Variants in ZNF236 observed in about 807,000 individuals in gnomAD.
ZNF236 encodes regulated by glucose.
A neutral mutation model predicts 191.2 loss-of-function variants in ZNF236; 50 were observed. The observed-to-expected ratio is 0.26, with a 90% CI of 0.21 to 0.33. ZNF236 has a LOEUF of 0.33. ZNF236 is among the 10% of genes least tolerant of loss of function. ZNF236 has a pLI of 1.00. For missense variants in ZNF236, 1,754 were observed against 2,374.5 expected (o/e 0.74, Z 5.43); for synonymous variants, 907 against 928.8 (o/e 0.98, Z 0.43).
intron 9 of ZNF236, among the ~76,000 whole-genome samples, 159 bp from the exon 10 acceptor site, chr18:76,894,854 A>G (rs1248422167): frequency 6.6e-6 from 1 of 152,172 alleles, no homozygotes; most frequent in African/African-American, 2.4e-5. Flanking sequence ...TTTCAGCGAG[A>G]TTAACTCCTA....
chr18:76,914,910 G>A (rs1027132838), intron 18 of ZNF236, among the ~76,000 whole-genome samples: 1 of 152,080 alleles, frequency 6.6e-6, no homozygotes, highest in Admixed American at 6.6e-5. Flanking sequence ...AAGATATACT[G>A]CTTAGAAACA....
intron 20 of ZNF236, 76 bp from the exon 21 acceptor site, chr18:76,922,995 T>C (rs535582493): frequency 8.6e-7 from 1 of 1,159,214 alleles, no homozygotes; most frequent in Admixed American, 2.0e-5. Context: ...AACACCTAAT[T>C]TTAATTTATA....
At chr18:76,942,604 C>T (rs996499290) in intron 26 of ZNF236, among the ~76,000 whole-genome samples, 19 of 151,680 alleles carry the variant, frequency 1.3e-4, no homozygotes, top group South Asian at 6.2e-4. Context: ...CTCCGCTTCC[C>T]GGGTTCACAG....
intron 11 of ZNF236, 120 bp downstream of exon 11, chr18:76,899,342 A>G (rs1273296548): frequency 5.8e-6 from 5 of 863,396 alleles, no homozygotes; most frequent in Non-Finnish European, 5.2e-6. Context: ...CATAGTATTA[A>G]TGAAGTCTGT....
intron 1 of ZNF236, among the ~76,000 whole-genome samples, chr18:76,832,746 A>T (rs558357945): frequency 6.6e-6 from 1 of 152,162 alleles, no homozygotes; most frequent in Non-Finnish European, 1.5e-5. Context: ...TTGAATCAGC[A>T]TATAAGTTTT....
In ZNF236 at chr18:76,925,994, C is replaced by T. The variant is rs1174903542; in HGVS notation, c.4027+440C>T. On this transcript the variant is annotated intron_variant, in intron 22 of 30. Transcript: ENST00000320610. The surrounding 1 kb of genome is among the most constrained non-coding windows in gnomAD (Gnocchi z 5.7). ...TGATTTGTGTGCCTGTGAGTAAATG[C>T]AGCCGTTGTACATGGCAGTCAGATG... Among the ~76,000 whole-genome samples the T allele has an allele frequency of 1.3e-5, 2 of 152,182 alleles. No homozygotes were observed. Among genetic ancestry groups the T allele is most frequent in the South Asian group, 2.1e-4 (1 of 4,834 alleles).
At chr18:76,917,193 A>C (rs1023189242) in intron 19 of ZNF236, among the ~76,000 whole-genome samples, 1 of 152,232 alleles carries the variant, frequency 6.6e-6, no homozygotes, top group Non-Finnish European at 1.5e-5. Flanking sequence ...TAAAGCCTTC[A>C]TTTCCATTTT....
At chr18:76,921,547 T>C (rs1599395977) in intron 20 of ZNF236, among the ~76,000 whole-genome samples, 1 of 152,058 alleles carries the variant, frequency 6.6e-6, no homozygotes, top group Non-Finnish European at 1.5e-5. Context: ...TAGGGGTTAG[T>C]GGTGGAGTCA....
intron 20 of ZNF236, 138 bp downstream of exon 20, chr18:76,920,196 T>C (rs961398134): frequency 1.0e-6 from 1 of 992,788 alleles, no homozygotes; most frequent in Admixed American, 2.8e-5. Context: ...GCTTACTTAC[T>C]TGAATGTATG....
chr18:76,824,197 T>G, intron 1 of ZNF236: 1 of 667,062 alleles, frequency 1.5e-6, no homozygotes, highest in East Asian at 2.6e-5. Context: ...ATTTTGTGTT[T>G]AGGAAGAAAG....
At position 76,925,650 on chromosome 18, in the gene ZNF236, G is replaced by A. The variant is rs552023059; in HGVS notation, c.4027+96G>A. ...CACGACAGAAGAGATGTTGTTTACC[G>A]TAGCACCACGTTTCCCTTCTTTGAG... On this transcript the variant is annotated intron_variant, in intron 22 of 30. Coordinates refer to ENST00000320610, the MANE Select transcript of ZNF236 (RefSeq NM_001306089.2). This position sits in a 1 kb window ranked among gnomAD's most constrained non-coding sequence, Gnocchi z 5.7. The A allele has an allele frequency of 1.3e-5, 19 of 1,453,758 alleles. No individual in the cohort carries two copies. The highest frequency in any genetic ancestry group is 9.9e-5 in the African/African-American group (7 of 71,058). The allele number at this position is 1,453,758 out of a possible 1,614,324, so 90.1% of individuals were successfully genotyped here. A position where few individuals can be genotyped will look rare whatever the true frequency, so the allele number is the denominator to read the frequency against.
chr18:76,912,178 C>T (rs1376046485), intron 16 of ZNF236, 66 bp from the exon 17 acceptor site: 1 of 1,222,728 alleles, frequency 8.2e-7, no homozygotes, highest in Non-Finnish European at 1.2e-6. Flanking sequence ...TTCTTAGCTG[C>T]TCAGTTGTTT....
chr18:76,855,262 G>C (rs1319453122), intron 3 of ZNF236, among the ~76,000 whole-genome samples: 1 of 152,082 alleles, frequency 6.6e-6, no homozygotes, highest in Non-Finnish European at 1.5e-5. Context: ...ATTAAATAAT[G>C]GTGTATTAAT....
chr18:76,938,220 T>C (rs114954002), intron 26 of ZNF236, among the ~76,000 whole-genome samples: 4,749 of 151,986 alleles, frequency 0.031, 241 homozygotes, highest in African/African-American at 0.11. Flanking sequence ...CAAAACTCTG[T>C]CTCTACAAAA....
intron 2 of ZNF236, among the ~76,000 whole-genome samples, chr18:76,850,298 A>T (rs1263648514): frequency 6.6e-6 from 1 of 152,060 alleles, no homozygotes; most frequent in Non-Finnish European, 1.5e-5. Flanking sequence ...AACACCATGG[A>T]CCTCCTTTAG....
At chr18:76,947,782 C>A in intron 27 of ZNF236, 130 bp downstream of exon 27, 1 of 1,120,332 alleles carries the variant, frequency 8.9e-7, no homozygotes, top group Non-Finnish European at 1.2e-6. Context: ...CTGAGGTGTC[C>A]CCGGCTGAAT....
chr18:76,860,725 A>C (rs528909680), intron 3 of ZNF236, among the ~76,000 whole-genome samples: 29 of 152,208 alleles, frequency 1.9e-4, no homozygotes, highest in Non-Finnish European at 4.1e-4. Context: ...GGTTGTAAGA[A>C]CTTACACATT....
rs186711485 is a variant in ZNF236, at chr18:76,851,303, T to A, written c.199-472T>A. Among the ~76,000 whole-genome samples the A allele has an allele frequency of 4.7e-5, 7 of 147,796 alleles. No individual in the cohort carries two copies. In the East Asian group the frequency reaches 1.2e-3, roughly 26 times the overall value. Reference sequence around the variant, plus strand: ...TTTTTTGAGACAGAGTCTCGCCCTCTTGCCCAGGCTGGAATGCAGTAGTGC... The same window carrying A: ...TTTTTTGAGACAGAGTCTCGCCCTCATGCCCAGGCTGGAATGCAGTAGTGC... On this transcript the variant is annotated intron_variant, in intron 2 of 30. Transcript: ENST00000320610.
rs1439280990 is a variant in ZNF236 at position 76,867,031 on chromosome 18, C to T, written c.364-1654C>T. On this transcript the variant is annotated intron_variant, in intron 3 of 30. Transcript: ENST00000320610. Reference sequence around the variant, plus strand: ...GCCTGAGTAATATCCGTGTAGATATCCCTGAAACACATGAATCAGATCATT... The same window carrying T: ...GCCTGAGTAATATCCGTGTAGATATTCCTGAAACACATGAATCAGATCATT... 2.6e-5 allele frequency among the ~76,000 whole-genome samples: 4 copies of T among 152,058 alleles called. No individual in the cohort carries two copies. In the South Asian group the frequency reaches 8.3e-4, roughly 32 times the overall value.
Sources: allele counts gnomAD v4.1 joint callset (sites outside exome capture counted in the v4.1 genomes callset), GRCh38; gene constraint gnomAD v4.1.1; non-coding constraint Gnocchi (gnomAD v3.1); transcripts MANE v1.5; gene names NCBI Gene and HGNC (gene_info 2026-07-23, HGNC 2026-07-21).